TYW1B: variants seen among roughly 807,000 people sequenced by gnomAD.
TYW1B encodes the protein tRNA-yW synthesizing protein 1 homolog B, also known as S-adenosyl-L-methionine-dependent tRNA 4-demethylwyosine synthase TYW1B.
In TYW1B, 73 loss-of-function variants were observed where a neutral mutation model predicts 86.9. The ratio of observed to expected loss-of-function variants is 0.84; its 90% CI spans 0.70 to 1.02. The LOEUF is 1.02. Among genes scored for constraint, TYW1B ranks in the 50% least tolerant of loss-of-function variants. The pLI is 0.00. For synonymous variants in TYW1B, 248 were observed against 292.8 expected (o/e 0.85, Z 1.56); for missense variants, 637 against 827.4 (o/e 0.77, Z 2.82).
chr7:72,714,459 A>AT (rs1554455458), intron 9 of TYW1B, among the ~76,000 whole-genome samples: 1 of 144,054 alleles, frequency 6.9e-6, no homozygotes, highest in Non-Finnish European at 1.6e-5. Context: ...TCTACTAAAA[A>AT]TTAAAAAAAA....
chr7:72,653,214 A>C (rs1436114088), intron 11 of TYW1B, among the ~76,000 whole-genome samples: 1 of 152,226 alleles, frequency 6.6e-6, no homozygotes, highest in East Asian at 1.9e-4. Context: ...AATAATCAAC[A>C]AAACAAAAAT....
intron 8 of TYW1B, among the ~76,000 whole-genome samples, chr7:72,732,794 A>G (rs1446140708): frequency 6.6e-6 from 1 of 152,098 alleles, no homozygotes; most frequent in Non-Finnish European, 1.5e-5. Context: ...AGACTAAAAG[A>G]ACACAAAAAT....
intron 13 of TYW1B, among the ~76,000 whole-genome samples, chr7:72,589,947 G>A (rs1811357967): frequency 6.6e-6 from 1 of 152,184 alleles, no homozygotes; most frequent in South Asian, 2.1e-4. Context: ...AAAAGCACAG[G>A]AAAGTCCTTG....
intron 13 of TYW1B, among the ~76,000 whole-genome samples, chr7:72,583,040 G>A (rs576234866): frequency 1.9e-4 from 29 of 152,242 alleles, no homozygotes; most frequent in African/African-American, 6.7e-4. Context: ...AAGCAAGCTC[G>A]AGCCTCATCT....
At chr7:72,646,730 T>C (rs1335846276) in intron 11 of TYW1B, among the ~76,000 whole-genome samples, 1 of 152,166 alleles carries the variant, frequency 6.6e-6, no homozygotes, top group African/African-American at 2.4e-5. Flanking sequence ...TGATATTATG[T>C]CTGTTATTAG....
At chr7:72,719,340 G>C (rs576493013) in intron 9 of TYW1B, among the ~76,000 whole-genome samples, 2 of 151,752 alleles carry the variant, frequency 1.3e-5, no homozygotes, top group Non-Finnish European at 2.9e-5. Context: ...TGGTAAAGAC[G>C]AAGTTTTGGG....
chr7:72,596,420 T>G (rs1811533987), intron 13 of TYW1B, among the ~76,000 whole-genome samples: 1 of 151,942 alleles, frequency 6.6e-6, no homozygotes, highest in Non-Finnish European at 1.5e-5. Context: ...ATCAAAACAG[T>G]GTGATACTGG....
intron 12 of TYW1B, among the ~76,000 whole-genome samples, chr7:72,625,343 G>C (rs1404060712): frequency 3.9e-5 from 6 of 152,112 alleles, no homozygotes; most frequent in South Asian, 2.1e-4. Flanking sequence ...GCTAGGCCAG[G>C]TGCAGTGGCT....
chr7:72,652,988 C>G (rs1410409393), intron 11 of TYW1B, among the ~76,000 whole-genome samples: 3 of 151,940 alleles, frequency 2.0e-5, no homozygotes, highest in South Asian at 2.1e-4. Flanking sequence ...TCATGACAAA[C>G]CCAACTAATG....
At chr7:72,669,865 T>C (rs1813552871) in intron 11 of TYW1B, among the ~76,000 whole-genome samples, 1 of 151,798 alleles carries the variant, frequency 6.6e-6, no homozygotes, top group Non-Finnish European at 1.5e-5. Flanking sequence ...GAGGCCAAGG[T>C]AGGAAAACCA....
At chr7:72,813,143 T>C (rs1488966649) in intron 3 of TYW1B, among the ~76,000 whole-genome samples, 2 of 151,900 alleles carry the variant, frequency 1.3e-5, no homozygotes, top group Non-Finnish European at 2.9e-5. Context: ...ACGTGAAAGT[T>C]TGTCAACCCC....
At chr7:72,668,183 T>C (rs1554445677) in intron 11 of TYW1B, among the ~76,000 whole-genome samples, 1 of 152,224 alleles carries the variant, frequency 6.6e-6, no homozygotes, top group Non-Finnish European at 1.5e-5. Context: ...TTTTCTGTAA[T>C]GTTATCATAG....
At chr7:72,729,451 A>C (rs1237771266) in intron 8 of TYW1B, among the ~76,000 whole-genome samples, 2 of 152,098 alleles carry the variant, frequency 1.3e-5, no homozygotes, top group African/African-American at 2.4e-5. Flanking sequence ...GCTAGAGTGT[A>C]TCCTGCCCTG....
intron 6 of TYW1B, among the ~76,000 whole-genome samples, chr7:72,787,278 A>G (rs1788144874): frequency 6.6e-6 from 1 of 151,698 alleles, no homozygotes. Flanking sequence ...CCTGGCCAAC[A>G]TGGTAAAAAC....
chr7:72,664,459 G>A (rs1563051317), intron 11 of TYW1B, among the ~76,000 whole-genome samples: 1 of 152,000 alleles, frequency 6.6e-6, no homozygotes, highest in Non-Finnish European at 1.5e-5. Flanking sequence ...ACAAGATCAT[G>A]TCCTCTGCAG....
At chr7:72,669,134 CTT>C (rs781821639) in intron 11 of TYW1B, among the ~76,000 whole-genome samples, 25 of 81,550 alleles carry the variant, frequency 3.1e-4, no homozygotes, top group East Asian at 2.4e-3. Flanking sequence ...TAATTTTAAA[CTT>C]TTTTTTTTTT....
intron 11 of TYW1B, among the ~76,000 whole-genome samples, chr7:72,692,643 G>GT (rs555661330): frequency 1.8e-3 from 277 of 152,192 alleles, no homozygotes; most frequent in African/African-American, 6.5e-3. Context: ...GAAAAACAGT[G>GT]TTTTTTAATA....
At chr7:72,729,061 G>T in intron 8 of TYW1B, 130 bp from the exon 9 acceptor site, 2 of 734,558 alleles carry the variant, frequency 2.7e-6, no homozygotes, top group Non-Finnish European at 4.5e-6. Context: ...GTTCAACCAC[G>T]TATAGTGGTA....
At chr7:72,742,624 A>G (rs1554462703) in intron 8 of TYW1B, among the ~76,000 whole-genome samples, 1 of 152,228 alleles carries the variant, frequency 6.6e-6, no homozygotes, top group East Asian at 1.9e-4. Context: ...AATAATATCA[A>G]TTCAAAATAG....
Sources: gnomAD v4.1 joint callset for allele counts (sites outside exome capture counted in the v4.1 genomes callset) on GRCh38, gnomAD v4.1.1 for gene constraint, MANE v1.5 for transcripts, NCBI Gene and HGNC (gene_info 2026-07-23, HGNC 2026-07-21) for gene names.